TAOK1: variants seen among roughly 807,000 people sequenced by gnomAD.
The protein encoded by TAOK1 is serine/threonine-protein kinase TAO1.
TAOK1 carries 21 observed loss-of-function variants against 138.3 expected under a neutral mutation model. The ratio of observed to expected loss-of-function variants is 0.15; its 90% CI spans 0.11 to 0.22. The LOEUF is 0.22. TAOK1 is among the 10% of genes least tolerant of loss of function. The probability of loss-of-function intolerance (pLI) is 1.00; values close to 1 mark genes in which losing one functional copy is unlikely to be tolerated. For synonymous variants in TAOK1, 361 were observed against 398.4 expected, an observed-to-expected ratio of 0.91 and a Z score of 1.12; for missense variants, 651 against 1,227.7, an observed-to-expected ratio of 0.53 and a Z score of 7.02.
chr17:29,486,210 G>A (rs2031169152), intron 8 of TAOK1, among the ~76,000 whole-genome samples: 1 of 152,118 alleles, frequency 6.6e-6, no homozygotes, highest in Non-Finnish European at 1.5e-5. Context: ...GATCACTTGA[G>A]CCCAGGAGGT....
chr17:29,456,365 A>AT (rs1245138664), intron 2 of TAOK1, among the ~76,000 whole-genome samples: 1 of 150,138 alleles, frequency 6.7e-6, no homozygotes, highest in Non-Finnish European at 1.5e-5. Flanking sequence ...GAAAAAAAAA[A>AT]TGTTTGGTAG....
chr17:29,517,989 A>G (rs764155354), intron 16 of TAOK1, among the ~76,000 whole-genome samples: 10 of 151,994 alleles, frequency 6.6e-5, no homozygotes, highest in Non-Finnish European at 1.5e-4. Flanking sequence ...CCAAATAGCT[A>G]GGATTACAGG....
At chr17:29,415,140 T>G (rs1905238424) in intron 1 of TAOK1, among the ~76,000 whole-genome samples, 1 of 152,066 alleles carries the variant, frequency 6.6e-6, no homozygotes, top group South Asian at 2.1e-4. Flanking sequence ...AAGATAATTT[T>G]GATATTTTTA....
intron 1 of TAOK1, among the ~76,000 whole-genome samples, chr17:29,395,266 C>T (rs1249030599): frequency 6.6e-6 from 1 of 152,030 alleles, no homozygotes; most frequent in African/African-American, 2.4e-5. Flanking sequence ...TGTGGTGGCT[C>T]AAGCCTGTAA....
chr17:29,498,504 G>A lies in TAOK1; in HGVS notation c.1186G>A (p.Val396Ile). ...GDHTVMSNSS[V>I]IHLKPEEENY... ...CCACACAGTGATGTCTAACAGTTCT[G>A]TTATCCATTTAAAACCAGTGAGTAT... is the stretch of plus-strand genomic sequence containing the variant. The change falls in exon 12 of 20, where the codon GTT (valine) becomes ATT (isoleucine). Residue 396 changes from valine to isoleucine, a missense_variant. By Grantham distance (29) the Val-to-Ile change is conservative. Coordinates refer to ENST00000261716, the MANE Select transcript of TAOK1 (RefSeq NM_020791.4). The A allele has an allele frequency of 6.2e-7, 1 of 1,614,142 alleles. No individual in the cohort carries two copies. The highest frequency in any genetic ancestry group is 8.5e-7 in the Non-Finnish European group (1 of 1,180,014).
chr17:29,475,034 G>A (rs1361664155), intron 3 of TAOK1, among the ~76,000 whole-genome samples: 10 of 151,964 alleles, frequency 6.6e-5, no homozygotes, highest in Non-Finnish European at 8.8e-5. Context: ...TCCACCTCCC[G>A]TGTTCAAGCT....
chr17:29,400,171 A>G (rs1046658739), intron 1 of TAOK1, among the ~76,000 whole-genome samples: 8 of 151,994 alleles, frequency 5.3e-5, no homozygotes, highest in Non-Finnish European at 1.2e-4. Context: ...AGGTGGGTGG[A>G]TTGCTTGAGG....
intron 11 of TAOK1, among the ~76,000 whole-genome samples, chr17:29,497,714 C>CAA (rs373537264): frequency 0.025 from 2,556 of 100,664 alleles, 48 homozygotes; most frequent in African/African-American, 0.056. Flanking sequence ...TATTGAAATA[C>CAA]AAAAAAAAAA....
rs1157114636 is a variant in TAOK1 at position 29,471,341 on chromosome 17, G to A, written c.204+4125G>A. Among the ~76,000 whole-genome samples, 14 of 126,000 alleles carry A rather than the reference G, an allele frequency of 1.1e-4. No individual in the cohort carries two copies. In the South Asian group the frequency reaches 1.6e-3, roughly 14 times the overall value. The allele number at this position is 126,000 out of a possible 152,430, so 82.7% of individuals were successfully genotyped here. On this transcript the variant is annotated intron_variant, in intron 3 of 19. Transcript: ENST00000261716. ...TGTCGCCAGGCTGGAGTGCAGTGGC[G>A]CAATCTTGGTTCACTGCGACCTTCG...
At chr17:29,469,783 C>T (rs796900026) in intron 3 of TAOK1, among the ~76,000 whole-genome samples, 12 of 152,216 alleles carry the variant, frequency 7.9e-5, no homozygotes, top group Non-Finnish European at 1.5e-4. Context: ...CTAATGTTGG[C>T]GTCCTTCATG....
At chr17:29,490,960 C>G (rs1202370372) in intron 9 of TAOK1, among the ~76,000 whole-genome samples, 1 of 152,164 alleles carries the variant, frequency 6.6e-6, no homozygotes, top group Non-Finnish European at 1.5e-5. Flanking sequence ...CTGAACAACT[C>G]GCATTAGGCC....
chr17:29,452,682 C>T (rs1019388974), intron 2 of TAOK1, among the ~76,000 whole-genome samples: 7 of 152,150 alleles, frequency 4.6e-5, no homozygotes, highest in Non-Finnish European at 8.8e-5. Flanking sequence ...CCCTTGGTCT[C>T]GATGAATTTG....
rs71138830 is a variant in TAOK1, at chr17:29,526,819, T to TAA, written c.2149-3561_2149-3560dup. Among the ~76,000 whole-genome samples the TAA allele has an allele frequency of 2.1e-3, 106 of 50,950 alleles. 15 individuals carry two copies. Among genetic ancestry groups the TAA allele is most frequent in the African/African-American group, 5.9e-3 (68 of 11,508 alleles). 33.4% of individuals were successfully genotyped at this position (50,950 alleles called of 152,430 possible). On this transcript the variant is annotated intron_variant, in intron 17 of 19. Coordinates refer to ENST00000261716, the MANE Select transcript of TAOK1 (RefSeq NM_020791.4). ...GGCAGCATAGGGAGATCTCATCTCT[T>TAA]AAAAAAAAAAAAAAAAAAAAAAAAA... is the stretch of plus-strand genomic sequence containing the variant.
intron 11 of TAOK1, among the ~76,000 whole-genome samples, chr17:29,497,566 C>G (rs555365849): frequency 6.6e-6 from 1 of 151,702 alleles, no homozygotes; most frequent in Non-Finnish European, 1.5e-5. Flanking sequence ...TACAGCTGCC[C>G]GTTTACATCA....
At chr17:29,415,352 T>C (rs1186345401) in intron 1 of TAOK1, among the ~76,000 whole-genome samples, 1 of 152,226 alleles carries the variant, frequency 6.6e-6, no homozygotes, top group East Asian at 1.9e-4. Flanking sequence ...TTCTTTTGGA[T>C]GTATACCTAG....
chr17:29,425,697 A>G (rs1007503070), intron 1 of TAOK1, among the ~76,000 whole-genome samples: 2 of 152,014 alleles, frequency 1.3e-5, no homozygotes, highest in Non-Finnish European at 2.9e-5. Flanking sequence ...AAAAAAACCA[A>G]ACTTTTTACT....
At chr17:29,397,679 GTA>G (rs1567706760) in intron 1 of TAOK1, among the ~76,000 whole-genome samples, 1 of 143,078 alleles carries the variant, frequency 7.0e-6, no homozygotes. Context: ...ATGTATACAT[GTA>G]TACATGTATA....
intron 13 of TAOK1, among the ~76,000 whole-genome samples, chr17:29,507,507 C>T (rs901111230): frequency 6.6e-6 from 1 of 152,140 alleles, no homozygotes; most frequent in Non-Finnish European, 1.5e-5. Context: ...TTGCTAAAAA[C>T]ACTATCCTCT....
Position 29,495,710 on chromosome 17 carries a change from G to C in TAOK1, c.982G>C (p.Ala328Pro), listed in dbSNP as rs945213947. ...QEAHNGPAVEAQEEEEEQDHG... is the reference protein window; with the variant it reads ...QEAHNGPAVEPQEEEEEQDHG... ...GGCACATAATGGACCAGCAGTAGAA[G>C]CACAGGAAGAAGAAGAGGTAAGAGA... Residue 328 changes from alanine (A) to proline (P), a missense_variant, in exon 11 of 20, where the codon GCA becomes CCA. By Grantham distance (27) the Ala-to-Pro change is conservative. This residue lies in a region of TAOK1 where 104 missense variants were observed against 151.7 expected (regional missense o/e 0.69). Transcript: ENST00000261716. 2 of 1,602,044 alleles carry C rather than the reference G, an allele frequency of 1.2e-6. No homozygotes were observed. The highest frequency in any genetic ancestry group is 2.7e-5 in the African/African-American group (2 of 74,466).
Sources: gnomAD v4.1 joint callset for allele counts (sites outside exome capture counted in the v4.1 genomes callset) on GRCh38, gnomAD v4.1.1 for gene constraint, gnomAD v4.1.1 regional missense constraint, MANE v1.5 for transcripts, NCBI Gene and HGNC (gene_info 2026-07-23, HGNC 2026-07-21) for gene names.